The following RXRG variants were observed in gnomAD, a reference collection of about 807,000 sequenced individuals.
RXRG encodes retinoid X receptor gamma.
A neutral mutation model predicts 49.2 loss-of-function variants in RXRG; 19 were observed. The ratio of observed to expected loss-of-function variants is 0.39; its 90% confidence interval spans 0.27 to 0.57. The LOEUF is 0.57. RXRG is among the 20% of genes least tolerant of loss of function. The probability of loss-of-function intolerance (pLI) is 0.64; values close to 1 mark genes in which losing one functional copy is unlikely to be tolerated. For synonymous variants in RXRG, 224 were observed against 216.6 expected (o/e 1.03, Z -0.30); for missense variants, 452 against 592.5 (o/e 0.76, Z 2.46).
intron 1 of RXRG, among the ~76,000 whole-genome samples, chr1:165,440,492 C>T (rs1403411716): frequency 6.6e-6 from 1 of 152,140 alleles, no homozygotes; most frequent in Admixed American, 6.5e-5. Context: ...ATCCAAAATG[C>T]TCCAACGAGC....
intron 1 of RXRG, among the ~76,000 whole-genome samples, chr1:165,443,120 T>C (rs1659056364): frequency 6.6e-6 from 1 of 152,164 alleles, no homozygotes; most frequent in Non-Finnish European, 1.5e-5. Flanking sequence ...CATTCCAAGA[T>C]TCCAGCCCCC....
chr1:165,414,768 G>A (rs753820552), intron 4 of RXRG, among the ~76,000 whole-genome samples: 17 of 152,164 alleles, frequency 1.1e-4, no homozygotes, highest in South Asian at 8.3e-4. Flanking sequence ...ATTTCATATC[G>A]CATGCTCCAA....
At position 165,410,822 on chromosome 1, in the gene RXRG, G is replaced by T; in HGVS notation, c.793C>A (p.Pro265Thr). The change falls in exon 6 of 10, where the codon CCT becomes ACT. Residue 265 changes from proline (P) to threonine (T), a missense_variant. Transcript: ENST00000359842. ...GCAGCATGACATATGTTGGTAACAGGGTCATTTGTCTGAAAAAGGAACAAA... is the reference window on the plus strand; with the variant it reads ...GCAGCATGACATATGTTGGTAACAGTGTCATTTGTCTGAAAAAGGAACAAA... ...DMNMENSTND[P>T]VTNICHAADK... 1 of 1,614,138 alleles carries T rather than the reference G, an allele frequency of 6.2e-7. No homozygotes were observed. Among genetic ancestry groups the T allele is most frequent in the Non-Finnish European group, 8.5e-7 (1 of 1,180,026 alleles).
chr1:165,409,014 A>G (rs1406407998), intron 7 of RXRG, among the ~76,000 whole-genome samples: 2 of 152,148 alleles, frequency 1.3e-5, no homozygotes, highest in African/African-American at 2.4e-5. Flanking sequence ...TTCCTTTAGT[A>G]TCATTTAAGG....
At chr1:165,412,110 GC>G (rs1481008698) in intron 4 of RXRG, among the ~76,000 whole-genome samples, 1 of 152,148 alleles carries the variant, frequency 6.6e-6, no homozygotes. Context: ...TTGCAAGAGT[GC>G]CTCCTACTCT....
chr1:165,401,462 C>A (rs1657563284), intron 9 of RXRG, 52 bp from the exon 10 acceptor site: 1 of 1,604,112 alleles, frequency 6.2e-7, no homozygotes. Context: ...GCACTGCACA[C>A]CTGCACCTGC....
chr1:165,417,209 C>T lies in RXRG; in HGVS notation c.454G>A (p.Gly152Arg), dbSNP rs1658153551. ...TTGCAGCCTTCACAACTGTATACCC[C>T]GTAGTGCTTTCCTGGTTAGAAGAAA... ...CGDRSSGKHYGVYSCEGCKGF... is the reference protein window; with the variant it reads ...CGDRSSGKHYRVYSCEGCKGF... Residue 152 changes from glycine (G) to arginine (R), a missense_variant, in exon 4 of 10, where the codon GGG (glycine) becomes AGG (arginine). Gly to Arg is a moderately radical substitution (Grantham distance 125). Coordinates refer to ENST00000359842, the MANE Select transcript of RXRG (RefSeq NM_006917.5). The T allele has an allele frequency of 7.5e-6, 12 of 1,608,042 alleles. No individual in the cohort carries two copies. Among genetic ancestry groups the T allele is most frequent in the Middle Eastern group, 1.7e-4 (1 of 6,034 alleles).
chr1:165,406,899 T>C lies in RXRG; in HGVS notation c.1157A>G (p.Asn386Ser), dbSNP rs1339580376. 11 of 1,613,454 alleles carry C rather than the reference T, an allele frequency of 6.8e-6. No homozygotes were observed. The highest frequency in any genetic ancestry group is 9.3e-6 in the Non-Finnish European group (11 of 1,179,666). The change falls in exon 9 of 10, where the codon AAC becomes AGC. Residue 386 changes from asparagine to serine, a missense_variant. Asn to Ser is a conservative substitution (Grantham distance 46, BLOSUM62 1). Transcript: ENST00000359842. The part of the protein sequence containing the change: ...LFNPDAKGLS[N>S]PSEVETLREK... ...TCGCAGAGTCTCCACCTCAGAGGGG[T>C]TGGACAGGCCCTTGGCATCTAAAAG...
intron 1 of RXRG, among the ~76,000 whole-genome samples, chr1:165,437,534 A>G (rs1025722961): frequency 6.6e-6 from 1 of 152,162 alleles, no homozygotes; most frequent in African/African-American, 2.4e-5. Flanking sequence ...TTAGAAGACA[A>G]TCTATAGAGA....
rs540289357 is a variant in RXRG, at chr1:165,407,500, G to A, written c.1139-583C>T. Among the ~76,000 whole-genome samples the A allele has an allele frequency of 7.9e-5, 12 of 152,248 alleles. No homozygotes were observed. In the South Asian group the frequency reaches 1.2e-3, roughly 16 times the overall value. On this transcript the variant is annotated intron_variant, in intron 8 of 9. Transcript: ENST00000359842. ...CTGCCCCTTCTCAGGTTCCTCTGCT[G>A]GCTCTCCCTTTTTTACCTGACCTCT...
intron 3 of RXRG, 140 bp from the exon 4 acceptor site, chr1:165,417,360 A>G: frequency 1.4e-6 from 1 of 693,498 alleles, no homozygotes; most frequent in Middle Eastern, 4.0e-4. Context: ...AATCACTAGC[A>G]GAGAATGCAG....
Position 165,420,033 on chromosome 1 carries a change from C to A in RXRG, c.298-19G>T. The A allele has an allele frequency of 1.3e-6, 2 of 1,572,654 alleles. No individual in the cohort carries two copies. The highest frequency in any genetic ancestry group is 1.8e-5 in the Admixed American group (1 of 56,162). ...CATTTAGCTGCAAGAGAAAAAAATA[C>A]TGTAAAGCACAGAGCCAGAGTAAAT... On this transcript the variant is annotated intron_variant, in intron 2 of 9. Transcript: ENST00000359842.
intron 2 of RXRG, among the ~76,000 whole-genome samples, chr1:165,426,684 G>A (rs1658497011): frequency 2.0e-5 from 3 of 152,254 alleles, no homozygotes; most frequent in African/African-American, 7.2e-5. Context: ...TTCAAAGGAG[G>A]CTTTGGGACT....
chr1:165,406,347 A>G (rs1657748881), intron 9 of RXRG, among the ~76,000 whole-genome samples: 1 of 152,126 alleles, frequency 6.6e-6, no homozygotes, highest in Admixed American at 6.5e-5. Context: ...TGTACTTCCT[A>G]CTGCATGGGG....
rs368634212 is a variant in RXRG, at chr1:165,417,058, A to T, written c.605T>A (p.Met202Lys). ...QYCRYQKCLV[M>K]GMKREAVQEE... ...TGTCTCACCTTCCCTCTTCATGCCCATGACAAGGCACTTCTGATAGCGACA... is the reference window on the plus strand; with the variant it reads ...TGTCTCACCTTCCCTCTTCATGCCCTTGACAAGGCACTTCTGATAGCGACA... The change falls in exon 4 of 10, where the codon ATG becomes AAG. Residue 202 changes from methionine to lysine, a missense_variant. Coordinates refer to ENST00000359842, the MANE Select transcript of RXRG (RefSeq NM_006917.5). The T allele has an allele frequency of 2.7e-5, 43 of 1,613,604 alleles. No homozygotes were observed. Among genetic ancestry groups the T allele is most frequent in the Non-Finnish European group, 3.5e-5 (41 of 1,179,814 alleles).
chr1:165,429,339 G>A (rs1045524788), intron 1 of RXRG, among the ~76,000 whole-genome samples: 3 of 152,174 alleles, frequency 2.0e-5, no homozygotes, highest in South Asian at 4.1e-4. Flanking sequence ...ACCAAACCTC[G>A]ATGGGGAGAG....
chr1:165,422,468 A>G (rs533772057), intron 2 of RXRG, among the ~76,000 whole-genome samples: 35 of 150,162 alleles, frequency 2.3e-4, no homozygotes, highest in African/African-American at 8.2e-4. Context: ...GGAAGGCTTC[A>G]TGAAGGAAGT....
rs757288118 is a variant in RXRG at position 165,411,126 on chromosome 1, C to CA, written c.623-18dup. On this transcript the variant is annotated splice_polypyrimidine_tract_variant and intron_variant, in intron 4 of 9. Transcript: ENST00000359842. ...CTTGCACAGCTGACATGCAGCAGGA[C>CA]ATGCAGAGGTTACCATAATGCCCAG... 5.6e-5 allele frequency: 90 copies of CA among 1,611,740 alleles called. No individual in the cohort carries two copies. In the African/African-American group the frequency reaches 9.8e-4, roughly 17 times the overall value.
At chr1:165,410,431 A>G (rs947217912) in intron 6 of RXRG, among the ~76,000 whole-genome samples, 1 of 152,228 alleles carries the variant, frequency 6.6e-6, no homozygotes, top group African/African-American at 2.4e-5. Context: ...ATAATGAGCC[A>G]CTGCTTCAAA....
Sources: gnomAD v4.1 joint callset for allele counts (sites outside exome capture counted in the v4.1 genomes callset) on GRCh38, gnomAD v4.1.1 for gene constraint, MANE v1.5 for transcripts, NCBI Gene and HGNC (gene_info 2026-07-23, HGNC 2026-07-21) for gene names.